The following TSC2 variants were observed in gnomAD, a reference collection of about 807,000 sequenced individuals.
TSC2 encodes tuberin.
A neutral mutation model predicts 202.2 loss-of-function variants in TSC2; 29 were observed. The observed-to-expected ratio is 0.14, with a 90% CI of 0.11 to 0.20. TSC2 has a LOEUF of 0.20. Among genes scored for constraint, TSC2 ranks in the 10% least tolerant of loss-of-function variants. The probability of loss-of-function intolerance (pLI) is 1.00; values close to 1 mark genes in which losing one functional copy is unlikely to be tolerated. For synonymous variants in TSC2, 1,349 were observed against 1,044.0 expected, an observed-to-expected ratio of 1.29 and a Z score of -5.63; for missense variants, 2,429 against 2,420.0, an observed-to-expected ratio of 1.00 and a Z score of -0.08.
intron 5 of TSC2, chr16:2,055,142 C>G (rs914102086): frequency 3.7e-5 from 21 of 562,456 alleles, no homozygotes; most frequent in African/African-American, 2.6e-4. Flanking sequence ...ACGGCATACA[C>G]ACTTCTGCTG....
rs750806272 is a variant in TSC2 at position 2,076,571 on chromosome 16, C to T, written c.2823C>T (p.Asn941=). The change falls in exon 25 of 42, where the codon AAC becomes AAT. Residue 941 remains asparagine, a synonymous_variant. Transcript: ENST00000219476. ...TCAGGGCCCGGAGTACTAGTCTCAA[C>T]GAGAGACCCAAGAGGTACGGCCTGC... ...DSFRARSTSL[N]ERPKSLRIAR... 3.5e-5 allele frequency: 57 copies of T among 1,613,122 alleles called. No individual in the cohort carries two copies. The highest frequency in any genetic ancestry group is 2.5e-4 in the South Asian group (23 of 91,074).
rs1193907816 is a variant in TSC2, at chr16:2,084,452, G to C, written c.4230G>C (p.Leu1410=). ...DPGDKADVGR[L]SPEVKARSQS... ...GGGACAAGGCCGACGTGGGCCGGCT[G>C]AGCCCTGAGGTTAAGGCCCGGTCAC... The change falls in exon 34 of 42, where the codon CTG becomes CTC. Residue 1410 remains leucine, a synonymous_variant. Coordinates refer to ENST00000219476, the MANE Select transcript of TSC2 (RefSeq NM_000548.5). 2.5e-6 allele frequency: 4 copies of C among 1,609,350 alleles called. No homozygotes were observed. Among genetic ancestry groups the C allele is most frequent in the Non-Finnish European group, 3.4e-6 (4 of 1,178,616 alleles).
intron 16 of TSC2, among the ~76,000 whole-genome samples, chr16:2,070,208 G>A (rs1298177018): frequency 6.6e-6 from 1 of 152,198 alleles, no homozygotes; most frequent in African/African-American, 2.4e-5. Context: ...CGCAGCTGGA[G>A]CTTCTCCATT....
At chr16:2,052,971 C>G (rs1003230052) in intron 3 of TSC2, among the ~76,000 whole-genome samples, 3 of 152,188 alleles carry the variant, frequency 2.0e-5, no homozygotes, top group Admixed American at 6.6e-5. Flanking sequence ...TTAGTGTGCA[C>G]TTGTGGTTCT....
intron 22 of TSC2, among the ~76,000 whole-genome samples, chr16:2,075,521 A>G (rs924866293): frequency 5.3e-5 from 7 of 132,144 alleles, no homozygotes; most frequent in East Asian, 2.1e-4. Context: ...AGCCAGACTC[A>G]TCTCAAAAAA....
At position 2,085,041 on chromosome 16, in the gene TSC2, C is replaced by T; in HGVS notation, c.4569+15C>T. On this transcript the variant is annotated intron_variant, in intron 35 of 41. Transcript: ENST00000219476. ...TGCCCAATGAGGTAGGCGTGGCCTC[C>T]CTCTCCTGCATCCGCTGGAGCTGTG... The T allele has an allele frequency of 6.2e-7, 1 of 1,613,124 alleles. No individual in the cohort carries two copies. Among genetic ancestry groups the T allele is most frequent in the Non-Finnish European group, 8.5e-7 (1 of 1,179,912 alleles).
Position 2,084,457 on chromosome 16 carries a change from C to G in TSC2, c.4235C>G (p.Pro1412Arg), listed in dbSNP as rs1197792694. ...GDKADVGRLS[P>R]EVKARSQSGT... ...AAGGCCGACGTGGGCCGGCTGAGCC[C>G]TGAGGTTAAGGCCCGGTCACAGTCA... The change falls in exon 34 of 42, where the codon CCT (proline) becomes CGT (arginine). Residue 1412 changes from proline (P) to arginine (R), a missense_variant. Coordinates refer to ENST00000219476, the MANE Select transcript of TSC2 (RefSeq NM_000548.5). 1.2e-6 allele frequency: 2 copies of G among 1,609,400 alleles called. No homozygotes were observed. Among genetic ancestry groups the G allele is most frequent in the South Asian group, 2.2e-5 (2 of 90,486 alleles).
chr16:2,061,854 C>G lies in TSC2; in HGVS notation c.1120-17C>G. 1 of 1,614,026 alleles carries G rather than the reference C, an allele frequency of 6.2e-7. No individual in the cohort carries two copies. Among genetic ancestry groups the G allele is most frequent in the Non-Finnish European group, 8.5e-7 (1 of 1,180,010 alleles). ...GGGAGTGGAAGTCAGCCTGTGTCAT[C>G]GTGCCTGGTACTGCAGACCTTGGAC... On this transcript the variant is annotated splice_polypyrimidine_tract_variant and intron_variant, in intron 11 of 41. Transcript: ENST00000219476.
chr16:2,059,529 T>C (rs2086361467), intron 10 of TSC2, among the ~76,000 whole-genome samples: 1 of 147,322 alleles, frequency 6.8e-6, no homozygotes, highest in Non-Finnish European at 1.5e-5. Flanking sequence ...TTTTTTTTTT[T>C]TTTTAATGGG....
In TSC2 at chr16:2,088,915, C is replaced by T. The variant is rs187992537; in HGVS notation, c.*305C>T. On this transcript the variant is annotated 3_prime_UTR_variant, in exon 42 of 42. Coordinates refer to ENST00000219476, the MANE Select transcript of TSC2 (RefSeq NM_000548.5). ...CACACACACAGTCACCTTCCTCCACCCTGGGAGCCAGCCCCCAGGAGGAGT... is the reference window on the plus strand; with the variant it reads ...CACACACACAGTCACCTTCCTCCACTCTGGGAGCCAGCCCCCAGGAGGAGT... 72 of 398,620 alleles carry T rather than the reference C, an allele frequency of 1.8e-4. No homozygotes were observed. The highest frequency in any genetic ancestry group is 1.1e-3 in the African/African-American group (52 of 48,772). 24.7% of individuals were successfully genotyped at this position (398,620 alleles called of 1,614,324 possible). A position where few individuals can be genotyped will look rare whatever the true frequency, so the allele number is the denominator to read the frequency against.
intron 25 of TSC2, 55 bp from the exon 26 acceptor site, chr16:2,077,543 C>T: frequency 6.2e-7 from 1 of 1,610,608 alleles, no homozygotes; most frequent in Non-Finnish European, 8.5e-7. Flanking sequence ...GCTTGTTCTC[C>T]CCTTCCCGGG....
At chr16:2,075,641 G>A (rs1262997898) in intron 22 of TSC2, among the ~76,000 whole-genome samples, 158 bp from the exon 23 acceptor site, 1 of 151,884 alleles carries the variant, frequency 6.6e-6, no homozygotes, top group African/African-American at 2.4e-5. Context: ...CCATGGGACC[G>A]AGAGTTGAGG....
intron 3 of TSC2, 119 bp from the exon 4 acceptor site, chr16:2,053,223 C>G (rs2085342931): frequency 1.0e-6 from 1 of 978,448 alleles, no homozygotes; most frequent in Non-Finnish European, 1.6e-6. Context: ...GGAGGTGGGG[C>G]TCTCAGTCAC....
intron 12 of TSC2, 80 bp from the exon 13 acceptor site, chr16:2,062,417 A>G (rs2086750249): frequency 5.8e-6 from 8 of 1,387,348 alleles, no homozygotes; most frequent in Non-Finnish European, 8.0e-6. Flanking sequence ...ACAGCAAACC[A>G]GCCTCTCGAC....
Position 2,048,001 on chromosome 16 carries a change from C to T in TSC2, c.-94C>T, listed in dbSNP as rs1421424412. On this transcript the variant is annotated 5_prime_UTR_variant, in exon 1 of 42. Coordinates refer to ENST00000219476, the MANE Select transcript of TSC2 (RefSeq NM_000548.5). ...GCGGGTCGCGCTTCCGGCGGCGTCC[C>T]GGGGCCAGGGGGGTGCGCCTTTCTC... 2.7e-6 allele frequency: 4 copies of T among 1,505,290 alleles called. No homozygotes were observed. Among genetic ancestry groups the T allele is most frequent in the African/African-American group, 1.4e-5 (1 of 71,178 alleles). The allele number at this position is 1,505,290 out of a possible 1,614,324, so 93.2% of individuals were successfully genotyped here.
At chr16:2,087,828 G>A (rs2151609534) in intron 38 of TSC2, 35 bp from the exon 39 acceptor site, 1 of 1,610,246 alleles carries the variant, frequency 6.2e-7, no homozygotes, top group Non-Finnish European at 8.5e-7. Context: ...AGCACACGCT[G>A]TGTGCGGGGA....
At chr16:2,087,361 C>G (rs2090948560) in intron 38 of TSC2, among the ~76,000 whole-genome samples, 1 of 152,172 alleles carries the variant, frequency 6.6e-6, no homozygotes, top group Non-Finnish European at 1.5e-5. Context: ...GGCTGGAGGC[C>G]TCACTCCAAG....
Position 2,079,482 on chromosome 16 carries a change from G to T in TSC2, c.3284+54G>T. 6.2e-7 allele frequency: 1 copy of T among 1,609,586 alleles called. No individual in the cohort carries two copies. Among genetic ancestry groups the T allele is most frequent in the Non-Finnish European group, 8.5e-7 (1 of 1,178,498 alleles). ...TGCCAGCCTCGACACCGGCTGTCCC[G>T]AGCCCAGGCCCACGTGGCACCCTCG... On this transcript the variant is annotated intron_variant, in intron 28 of 41. Coordinates refer to ENST00000219476, the MANE Select transcript of TSC2 (RefSeq NM_000548.5). The surrounding 1 kb of genome is among the most constrained non-coding windows in gnomAD (Gnocchi z 4.6).
At chr16:2,074,618 A>G (rs2088999193) in intron 22 of TSC2, 1 of 603,508 alleles carries the variant, frequency 1.7e-6, no homozygotes, top group South Asian at 1.9e-5. Flanking sequence ...TCCTCCTTGA[A>G]GAAGCCTCTT....
Sources: allele counts gnomAD v4.1 joint callset (sites outside exome capture counted in the v4.1 genomes callset), GRCh38; gene constraint gnomAD v4.1.1; non-coding constraint Gnocchi (gnomAD v3.1); transcripts MANE v1.5; gene names NCBI Gene and HGNC (gene_info 2026-07-23, HGNC 2026-07-21).